CTNNA3: variants seen among roughly 807,000 people sequenced by gnomAD.
The protein encoded by CTNNA3 is catenin alpha 3.
Under a neutral mutation model 95.7 loss-of-function variants are expected in CTNNA3, and 76 were observed. That is an observed-to-expected ratio of 0.79 (90% CI 0.66 to 0.96). CTNNA3 has a LOEUF of 0.96. Among genes scored for constraint, CTNNA3 ranks in the 40% least tolerant of loss-of-function variants. CTNNA3 has a pLI of 0.00. For missense variants in CTNNA3, 1,191 were observed against 1,089.8 expected, an observed-to-expected ratio of 1.09 and a Z score of -1.31; for synonymous variants, 431 against 374.4, an observed-to-expected ratio of 1.15 and a Z score of -1.74.
At chr10:66,924,111 C>G (rs1478157186) in intron 7 of CTNNA3, among the ~76,000 whole-genome samples, 1 of 152,150 alleles carries the variant, frequency 6.6e-6, no homozygotes, top group Non-Finnish European at 1.5e-5. Flanking sequence ...CTCTTCCATC[C>G]CCCTAGAATG....
intron 7 of CTNNA3, among the ~76,000 whole-genome samples, chr10:67,163,560 A>C (rs1387573470): frequency 2.0e-5 from 3 of 152,006 alleles, no homozygotes; most frequent in Non-Finnish European, 2.9e-5. Flanking sequence ...TAAAATAGGC[A>C]ACAAAGCAAG....
At chr10:67,467,130 C>G (rs190403143) in intron 5 of CTNNA3, among the ~76,000 whole-genome samples, 2 of 151,936 alleles carry the variant, frequency 1.3e-5, no homozygotes, top group East Asian at 3.9e-4. Context: ...AGAGTGAGAT[C>G]TCCTCTCAAA....
rs183916019 is a variant in CTNNA3 at position 67,706,704 on chromosome 10, T to C, written c.-2+56730A>G. Among the ~76,000 whole-genome samples the C allele has an allele frequency of 2.6e-3, 401 of 152,164 alleles. 1 individual carries two copies. Among genetic ancestry groups the C allele is most frequent in the Middle Eastern group, 0.01 (3 of 294 alleles). ...TGGCAGGCACCCACCTGATGTGTCA[T>C]TAAGGAATAGGAAAGGGAGAGGCAA... On this transcript the variant is annotated intron_variant, in intron 1 of 17. Transcript: ENST00000684154.
intron 9 of CTNNA3, among the ~76,000 whole-genome samples, chr10:66,692,766 G>A (rs1330765038): frequency 1.3e-5 from 2 of 152,104 alleles, no homozygotes; most frequent in South Asian, 4.1e-4. Flanking sequence ...CAGATCTCTT[G>A]GCAGAAACTC....
intron 12 of CTNNA3, among the ~76,000 whole-genome samples, chr10:66,335,387 GT>G (rs555756178): frequency 6.6e-5 from 10 of 152,106 alleles, no homozygotes; most frequent in African/African-American, 2.2e-4. Flanking sequence ...TTTGATGATG[GT>G]GACGTACAGA....
At chr10:66,078,839 G>A (rs1225068723) in intron 14 of CTNNA3, 1 of 151,854 alleles carries the variant, frequency 6.6e-6, no homozygotes, top group Non-Finnish European at 1.5e-5. Flanking sequence ...AGGCTGTGAG[G>A]AAATCAAACA....
At chr10:65,996,875 T>C (rs1200873805) in intron 15 of CTNNA3, among the ~76,000 whole-genome samples, 1 of 152,240 alleles carries the variant, frequency 6.6e-6, no homozygotes, top group Non-Finnish European at 1.5e-5. Context: ...CTGTCTTAGA[T>C]GCTGTATTCA....
intron 1 of CTNNA3, chr10:67,648,745 TTCTC>T (rs1839793697): frequency 7.8e-7 from 1 of 1,289,670 alleles, no homozygotes; most frequent in African/African-American, 1.5e-5. Flanking sequence ...TTTACCTTGT[TTCTC>T]TCTCCTTTGC....
At chr10:65,944,965 A>G (rs2077493601) in intron 17 of CTNNA3, among the ~76,000 whole-genome samples, 1 of 152,106 alleles carries the variant, frequency 6.6e-6, no homozygotes, top group Non-Finnish European at 1.5e-5. Flanking sequence ...TAACAGCTAA[A>G]GGAGATGATG....
At chr10:66,609,147 C>T (rs560970428) in intron 10 of CTNNA3, among the ~76,000 whole-genome samples, 77 of 151,744 alleles carry the variant, frequency 5.1e-4, no homozygotes, top group Admixed American at 5.1e-3. Context: ...GTAACCTCCA[C>T]CTCTCAGGTT....
chr10:67,076,837 T>G (rs969403270), intron 7 of CTNNA3, among the ~76,000 whole-genome samples: 4 of 152,120 alleles, frequency 2.6e-5, no homozygotes, highest in African/African-American at 9.7e-5. Context: ...AATTGACATA[T>G]CCTCTGTTTT....
intron 9 of CTNNA3, among the ~76,000 whole-genome samples, chr10:66,731,813 G>A (rs1848969620): frequency 6.6e-6 from 1 of 152,074 alleles, no homozygotes; most frequent in South Asian, 2.1e-4. Flanking sequence ...ATTTATATTA[G>A]GAAAGTGGAG....
intron 11 of CTNNA3, among the ~76,000 whole-genome samples, chr10:66,398,932 A>G (rs1225098322): frequency 1.3e-5 from 2 of 152,030 alleles, no homozygotes; most frequent in African/African-American, 4.8e-5. Flanking sequence ...CATGAAAAAC[A>G]GATTCACAAC....
At chr10:67,059,427 G>A (rs1339321821) in intron 7 of CTNNA3, among the ~76,000 whole-genome samples, 1 of 152,070 alleles carries the variant, frequency 6.6e-6, no homozygotes, top group African/African-American at 2.4e-5. Context: ...AAAATTGGAG[G>A]GGTATTTGGG....
At chr10:66,562,669 G>A (rs1325145819) in intron 10 of CTNNA3, among the ~76,000 whole-genome samples, 2 of 151,830 alleles carry the variant, frequency 1.3e-5, no homozygotes, top group Non-Finnish European at 2.9e-5. Flanking sequence ...TTATTTTTGT[G>A]GTTGTCATTG....
chr10:67,099,620 A>T (rs1858219320), intron 7 of CTNNA3: 1 of 152,228 alleles, frequency 6.6e-6, no homozygotes. Context: ...ATTTTTGTTG[A>T]AAATATATAA....
intron 12 of CTNNA3, among the ~76,000 whole-genome samples, chr10:66,318,191 C>A (rs2092127682): frequency 6.6e-6 from 1 of 151,000 alleles, no homozygotes; most frequent in African/African-American, 2.4e-5. Flanking sequence ...GTCCCTAGAT[C>A]AACCAAGTCA....
chr10:66,171,612 C>T (rs925028177), intron 13 of CTNNA3, among the ~76,000 whole-genome samples: 1 of 151,764 alleles, frequency 6.6e-6, no homozygotes, highest in African/African-American at 2.4e-5. Context: ...GGACCTTAAG[C>T]ATGTGTTCGT....
chr10:66,164,040 G>T (rs1206675753), intron 13 of CTNNA3, among the ~76,000 whole-genome samples: 1 of 152,086 alleles, frequency 6.6e-6, no homozygotes, highest in African/African-American at 2.4e-5. Context: ...CCTTAAGAGG[G>T]TTCATACTCT....
Sources: gnomAD v4.1 joint callset for allele counts (sites outside exome capture counted in the v4.1 genomes callset) on GRCh38, gnomAD v4.1.1 for gene constraint, MANE v1.5 for transcripts, NCBI Gene and HGNC (gene_info 2026-07-23, HGNC 2026-07-21) for gene names.